Variants in EBF1 observed in about 807,000 individuals in gnomAD.
EBF1 encodes the protein EBF transcription factor 1.
EBF1 carries 10 observed loss-of-function variants against 68.4 expected under a neutral mutation model. The observed-to-expected ratio is 0.15, with a 90% CI of 0.09 to 0.25. The LOEUF (loss-of-function observed/expected upper bound fraction) is 0.25. Among genes scored for constraint, EBF1 ranks in the 10% least tolerant of loss-of-function variants. EBF1 has a pLI of 1.00. For synonymous variants in EBF1, 298 were observed against 299.8 expected (o/e 0.99, Z 0.06); for missense variants, 509 against 794.4 (o/e 0.64, Z 4.32).
At chr5:159,080,457 T>A (rs779055518) in intron 5 of EBF1, among the ~76,000 whole-genome samples, 7 of 152,148 alleles carry the variant, frequency 4.6e-5, no homozygotes, top group Non-Finnish European at 1.0e-4. Flanking sequence ...ACATAGTAGG[T>A]GCTAAAAGAA....
At chr5:158,714,231 G>A (rs760267863) in intron 11 of EBF1, 49 bp from the exon 12 acceptor site, 93 of 1,599,644 alleles carry the variant, frequency 5.8e-5, no homozygotes, top group South Asian at 4.1e-4. Context: ...GCAGGTTGTC[G>A]TTATCTTTTG....
At position 158,731,267 on chromosome 5, in the gene EBF1, C is replaced by T. The variant is rs531188238; in HGVS notation, c.1037-110G>A. 2.3e-5 allele frequency: 22 copies of T among 977,072 alleles called. No homozygotes were observed. In the South Asian group the frequency reaches 2.4e-4, roughly 11 times the overall value. The allele number at this position is 977,072 out of a possible 1,614,324, so 60.5% of individuals were successfully genotyped here. ...CAGGAAGTCCAAAGTTTAACTGATA[C>T]TTTTGAATTGGATCACAAGATGGTT... is the stretch of plus-strand genomic sequence containing the variant. On this transcript the variant is annotated intron_variant, in intron 10 of 15. Coordinates refer to ENST00000313708, the MANE Select transcript of EBF1 (RefSeq NM_024007.5).
intron 6 of EBF1, among the ~76,000 whole-genome samples, chr5:158,997,745 G>A (rs1445867506): frequency 1.3e-5 from 2 of 152,124 alleles, no homozygotes; most frequent in African/African-American, 2.4e-5. Context: ...GGATCCCTGT[G>A]GCCCAAAGGA....
At chr5:158,984,340 G>A (rs1481060183) in intron 6 of EBF1, among the ~76,000 whole-genome samples, 1 of 152,132 alleles carries the variant, frequency 6.6e-6, no homozygotes, top group Non-Finnish European at 1.5e-5. Flanking sequence ...TCAACGACCT[G>A]AGTTTATACT....
At chr5:158,932,490 T>A (rs1366321647) in intron 6 of EBF1, among the ~76,000 whole-genome samples, 1 of 152,206 alleles carries the variant, frequency 6.6e-6, no homozygotes, top group Non-Finnish European at 1.5e-5. Flanking sequence ...CAGTGGTTAT[T>A]GAGGGAAGAT....
chr5:159,052,727 G>T (rs113444340), intron 6 of EBF1, among the ~76,000 whole-genome samples: 140 of 152,332 alleles, frequency 9.2e-4, no homozygotes, highest in Non-Finnish European at 1.6e-3. Flanking sequence ...TTTTAGTGAA[G>T]CTCACTGCCT....
intron 4 of EBF1, among the ~76,000 whole-genome samples, 171 bp downstream of exon 4, chr5:159,095,449 C>T (rs1407674354): frequency 1.3e-5 from 2 of 152,166 alleles, no homozygotes; most frequent in African/African-American, 2.4e-5. Context: ...CCCCACGCGG[C>T]GGTGCAAGCG....
At chr5:158,959,177 T>C (rs967780825) in intron 6 of EBF1, among the ~76,000 whole-genome samples, 9 of 152,142 alleles carry the variant, frequency 5.9e-5, no homozygotes, top group African/African-American at 9.7e-5. Context: ...TAATAACCAT[T>C]TGCCCATATT....
chr5:159,053,645 C>T (rs1298503095), intron 6 of EBF1, among the ~76,000 whole-genome samples: 2 of 150,584 alleles, frequency 1.3e-5, no homozygotes, highest in East Asian at 3.9e-4. Context: ...ACACCCCAGA[C>T]ATGGGAATGT....
In EBF1 at chr5:158,697,756, CA is replaced by C. The variant is rs143069078; in HGVS notation, c.*1354del. The C allele has an allele frequency of 0.012, 2,302 of 196,706 alleles. 35 individuals are homozygous for C. Among genetic ancestry groups the C allele is most frequent in the African/African-American group, 0.039 (1,645 of 42,446 alleles). The allele number at this position is 196,706 out of a possible 1,614,324, so 12.2% of individuals were successfully genotyped here. On this transcript the variant is annotated 3_prime_UTR_variant, in exon 16 of 16. Coordinates refer to ENST00000313708, the MANE Select transcript of EBF1 (RefSeq NM_024007.5). ...GAACAACAACTTTGGCAAAAAATCA[CA>C]AAAAAAAAATCTACAGTATTTATAA...
At chr5:159,050,362 C>G (rs987700383) in intron 6 of EBF1, among the ~76,000 whole-genome samples, 1 of 152,098 alleles carries the variant, frequency 6.6e-6, no homozygotes, top group Admixed American at 6.6e-5. Context: ...GCTTCCCCAC[C>G]AGGACCATCA....
At chr5:159,069,414 G>A (rs776584234) in intron 6 of EBF1, among the ~76,000 whole-genome samples, 2 of 151,990 alleles carry the variant, frequency 1.3e-5, no homozygotes, top group Non-Finnish European at 2.9e-5. Context: ...GAAACTTCAG[G>A]AGTCTGTGTG....
intron 10 of EBF1, among the ~76,000 whole-genome samples, chr5:158,764,216 T>C (rs543698091): frequency 2.0e-5 from 3 of 152,218 alleles, no homozygotes; most frequent in Non-Finnish European, 4.4e-5. Context: ...TCATACAGTT[T>C]CTTTATAACT....
At chr5:159,028,546 TGG>T (rs1232254987) in intron 6 of EBF1, among the ~76,000 whole-genome samples, 1 of 151,968 alleles carries the variant, frequency 6.6e-6, no homozygotes, top group Admixed American at 6.6e-5. Context: ...ATTCTACGGG[TGG>T]GGGTGAAGGA....
At chr5:158,776,309 CGAGAGA>C (rs370864488) in intron 10 of EBF1, among the ~76,000 whole-genome samples, 2,316 of 148,072 alleles carry the variant, frequency 0.016, 53 homozygotes, top group African/African-American at 0.053. Flanking sequence ...TTTATAATTT[CGAGAGA>C]GAGAGAGAGA....
chr5:159,031,185 A>G (rs1768764479), intron 6 of EBF1, among the ~76,000 whole-genome samples: 2 of 152,242 alleles, frequency 1.3e-5, no homozygotes. Flanking sequence ...AAAAAAAAGA[A>G]AAGAAAAGAA....
intron 5 of EBF1, among the ~76,000 whole-genome samples, chr5:159,076,574 A>G (rs897366665): frequency 6.6e-6 from 1 of 152,178 alleles, no homozygotes; most frequent in Non-Finnish European, 1.5e-5. Flanking sequence ...AAATGGGGAG[A>G]ATGAAGAAAA....
intron 6 of EBF1, among the ~76,000 whole-genome samples, chr5:158,924,519 T>C (rs1413528924): frequency 1.3e-5 from 2 of 152,174 alleles, no homozygotes; most frequent in South Asian, 2.1e-4. Context: ...GTCTGTTTCC[T>C]ACACCTTTCT....
At chr5:158,771,697 GT>G (rs1773913633) in intron 10 of EBF1, among the ~76,000 whole-genome samples, 1 of 152,146 alleles carries the variant, frequency 6.6e-6, no homozygotes, top group South Asian at 2.1e-4. Flanking sequence ...GAATGGGATG[GT>G]TTTAGCACCT....
Sources: gnomAD v4.1 joint callset for allele counts (sites outside exome capture counted in the v4.1 genomes callset) on GRCh38, gnomAD v4.1.1 for gene constraint, MANE v1.5 for transcripts, NCBI Gene and HGNC (gene_info 2026-07-23, HGNC 2026-07-21) for gene names.